Variants in EBF3 observed in about 807,000 individuals in gnomAD.
The protein encoded by EBF3 is transcription factor COE3.
Under a neutral mutation model 77.1 loss-of-function variants are expected in EBF3, and 18 were observed. The observed-to-expected ratio is 0.23, with a 90% CI of 0.16 to 0.35. The LOEUF (loss-of-function observed/expected upper bound fraction) is 0.35. Among genes scored for constraint, EBF3 ranks in the 10% least tolerant of loss-of-function variants. The pLI is 1.00. For missense variants in EBF3, 558 were observed against 860.0 expected, an observed-to-expected ratio of 0.65 and a Z score of 4.39; for synonymous variants, 350 against 343.5, an observed-to-expected ratio of 1.02 and a Z score of -0.21.
intron 6 of EBF3, among the ~76,000 whole-genome samples, chr10:129,909,965 C>T (rs1186570377): frequency 1.3e-5 from 2 of 152,240 alleles, no homozygotes; most frequent in Non-Finnish European, 2.9e-5. Flanking sequence ...GAGCGTTTAC[C>T]TCCTCACTGT....
At chr10:129,902,823 G>C (rs1854884266) in intron 6 of EBF3, among the ~76,000 whole-genome samples, 1 of 152,210 alleles carries the variant, frequency 6.6e-6, no homozygotes, top group Non-Finnish European at 1.5e-5. Flanking sequence ...CGTGTGGAAA[G>C]GGGTGCCTGG....
chr10:129,942,582 C>G (rs191143283), intron 6 of EBF3, among the ~76,000 whole-genome samples: 1 of 152,148 alleles, frequency 6.6e-6, no homozygotes, highest in Admixed American at 6.5e-5. Flanking sequence ...GCAGACAACT[C>G]GGGCCCCGGG....
At chr10:129,884,395 C>A (rs938737571) in intron 6 of EBF3, among the ~76,000 whole-genome samples, 2 of 152,148 alleles carry the variant, frequency 1.3e-5, no homozygotes, top group South Asian at 2.1e-4. Flanking sequence ...TAATGTCAGG[C>A]CTCTCTTTTT....
Position 129,842,438 on chromosome 10 carries a change from C to A in EBF3, c.1195-145G>T. ...ATTTCTTAATGGGCAAAGAGCTTCC[C>A]CTAGAAAATCATTTACTGACGCTTT... On this transcript the variant is annotated intron_variant, in intron 12 of 16. Transcript: ENST00000440978. The surrounding 1 kb of genome is among the most constrained non-coding windows in gnomAD (Gnocchi z 4.4). 1.0e-6 allele frequency: 1 copy of A among 973,882 alleles called. No homozygotes were observed. The highest frequency in any genetic ancestry group is 2.9e-5 in the East Asian group (1 of 34,280). 60.3% of individuals were successfully genotyped at this position (973,882 alleles called of 1,614,324 possible). A position where few individuals can be genotyped will look rare whatever the true frequency, so the allele number is the denominator to read the frequency against.
chr10:129,901,346 T>C (rs1854765491), intron 6 of EBF3, among the ~76,000 whole-genome samples: 1 of 152,338 alleles, frequency 6.6e-6, no homozygotes, highest in South Asian at 2.1e-4. Flanking sequence ...TCACAGGCAC[T>C]TACTTCATTG....
intron 6 of EBF3, among the ~76,000 whole-genome samples, chr10:129,925,101 T>C (rs1018856685): frequency 0.01 from 1,364 of 134,420 alleles, 19 homozygotes; most frequent in African/African-American, 0.035. Flanking sequence ...TGTGTGTGTG[T>C]GTGCGTGTGT....
rs150685044 is a variant in EBF3 at position 129,890,079 on chromosome 10, G to A, written c.555-12230C>T. Among the ~76,000 whole-genome samples, 389 of 147,390 alleles carry A rather than the reference G, an allele frequency of 2.6e-3. 3 individuals are homozygous for A. Among genetic ancestry groups the A allele is most frequent in the African/African-American group, 8.9e-3 (359 of 40,158 alleles). ...ACTCATGTGCCCGAGTCCTTACCCC[G>A]ACGCTTGGAGACACAGCTGTGGGTC... On this transcript the variant is annotated intron_variant, in intron 6 of 16. Coordinates refer to ENST00000440978, the MANE Select transcript of EBF3 (RefSeq NM_001375380.1).
In EBF3 at chr10:129,837,028, A is replaced by G. The variant is rs1849653940; in HGVS notation, c.*915T>C. 6.6e-6 allele frequency: 1 copy of G among 152,666 alleles called. No individual in the cohort carries two copies. Among genetic ancestry groups the G allele is most frequent in the South Asian group, 2.1e-4 (1 of 4,832 alleles). 9.5% of individuals were successfully genotyped at this position (152,666 alleles called of 1,614,324 possible). A position where few individuals can be genotyped will look rare whatever the true frequency, so the allele number is the denominator to read the frequency against. On this transcript the variant is annotated 3_prime_UTR_variant, in exon 17 of 17. Transcript: ENST00000440978. ...TAGCTACAACTTTGGCAAAATCACA[A>G]AAGTCTACAATTTTATAACCACATA...
intron 6 of EBF3, among the ~76,000 whole-genome samples, chr10:129,888,879 CA>C (rs1278516133): frequency 4.6e-5 from 7 of 150,672 alleles, no homozygotes; most frequent in South Asian, 2.1e-4. Context: ...TCTGCAATTA[CA>C]AAAAAAAAGG....
chr10:129,892,112 CAG>C (rs1451624572), intron 6 of EBF3, among the ~76,000 whole-genome samples: 1 of 152,358 alleles, frequency 6.6e-6, no homozygotes, highest in East Asian at 1.9e-4. Context: ...CAAGAAATGA[CAG>C]AGTCAAGTGA....
chr10:129,855,257 A>C (rs982601014), intron 10 of EBF3, among the ~76,000 whole-genome samples: 1 of 152,206 alleles, frequency 6.6e-6, no homozygotes, highest in African/African-American at 2.4e-5. Flanking sequence ...GGCCTCGTGC[A>C]CAGGGACCAG....
chr10:129,898,874 C>A (rs1355874742), intron 6 of EBF3, among the ~76,000 whole-genome samples: 1 of 152,236 alleles, frequency 6.6e-6, no homozygotes, highest in Non-Finnish European at 1.5e-5. Flanking sequence ...CAAGGCTGCC[C>A]GGCCCGCGGC....
At chr10:129,847,059 C>T (rs146999015) in intron 11 of EBF3, among the ~76,000 whole-genome samples, 1,564 of 152,178 alleles carry the variant, frequency 0.01, 7 homozygotes, top group Non-Finnish European at 0.017. Flanking sequence ...GGCAGGCACG[C>T]GGTCACCTGT....
In EBF3 at chr10:129,935,987, G is replaced by T. The variant is rs577291200; in HGVS notation, c.554+21271C>A. Among the ~76,000 whole-genome samples the T allele has an allele frequency of 4.4e-5, 6 of 136,758 alleles. No homozygotes were observed. The highest frequency in any genetic ancestry group is 2.0e-4 in the African/African-American group (6 of 29,400). The allele number at this position is 136,758 out of a possible 152,430, so 89.7% of individuals were successfully genotyped here. Reference sequence around the variant, plus strand: ...GGGGCTTCCTGAAGCTGCCCCCCCCGCCCAACAATGCAGCTGGTGCCCAGG... The same window carrying T: ...GGGGCTTCCTGAAGCTGCCCCCCCCTCCCAACAATGCAGCTGGTGCCCAGG... On this transcript the variant is annotated intron_variant, in intron 6 of 16. Coordinates refer to ENST00000440978, the MANE Select transcript of EBF3 (RefSeq NM_001375380.1). This position sits in a 1 kb window ranked among gnomAD's most constrained non-coding sequence, Gnocchi z 4.2.
chr10:129,909,659 G>A (rs558028807), intron 6 of EBF3, among the ~76,000 whole-genome samples: 2 of 152,318 alleles, frequency 1.3e-5, no homozygotes, highest in African/African-American at 4.8e-5. Flanking sequence ...TGAGGCTGGT[G>A]TCCGGGCAGC....
intron 6 of EBF3, among the ~76,000 whole-genome samples, chr10:129,922,664 C>A (rs780191594): frequency 2.5e-4 from 38 of 152,376 alleles, no homozygotes; most frequent in Non-Finnish European, 5.1e-4. Context: ...CGATGCCCTG[C>A]ATGATGCCAG....
chr10:129,953,134 A>G (rs548673159), intron 6 of EBF3, among the ~76,000 whole-genome samples: 1 of 151,696 alleles, frequency 6.6e-6, no homozygotes, highest in Admixed American at 6.6e-5. Flanking sequence ...AGTCACTTTA[A>G]AGGTGTAAAC....
intron 6 of EBF3, among the ~76,000 whole-genome samples, chr10:129,911,973 G>A (rs946021671): frequency 3.3e-5 from 5 of 152,170 alleles, no homozygotes; most frequent in African/African-American, 9.7e-5. Context: ...GCAAGAACAC[G>A]TGACCTCAGT....
intron 6 of EBF3, among the ~76,000 whole-genome samples, chr10:129,936,787 C>T (rs901842199): frequency 1.3e-5 from 2 of 151,742 alleles, no homozygotes; most frequent in Non-Finnish European, 2.9e-5. Context: ...GGGGGACCCT[C>T]AGCTGTGTGG....
Sources: gnomAD v4.1 joint callset for allele counts (sites outside exome capture counted in the v4.1 genomes callset) on GRCh38, gnomAD v4.1.1 for gene constraint, Gnocchi (gnomAD v3.1) non-coding constraint, MANE v1.5 for transcripts, NCBI Gene and HGNC (gene_info 2026-07-23, HGNC 2026-07-21) for gene names.